The following VIM variants were observed in gnomAD, a reference collection of about 807,000 sequenced individuals.
VIM encodes the protein epididymis secretory sperm binding protein.
In VIM, 18 loss-of-function variants were observed where a neutral mutation model predicts 50.3. The observed-to-expected ratio is 0.36, with a 90% CI of 0.25 to 0.53. The LOEUF is 0.53. Among genes scored for constraint, VIM ranks in the 20% least tolerant of loss-of-function variants. VIM has a pLI of 0.91. For missense variants in VIM, 551 were observed against 614.7 expected, an observed-to-expected ratio of 0.90 and a Z score of 1.10; for synonymous variants, 245 against 248.5, an observed-to-expected ratio of 0.99 and a Z score of 0.13.
chr10:17,236,458 A>G, intron 9 of VIM, 79 bp downstream of exon 9: 3 of 1,214,778 alleles, frequency 2.5e-6, no homozygotes, highest in Non-Finnish European at 3.7e-6. Context: ...TCTGAATCTC[A>G]GATACAGCTG....
intron 9 of VIM, among the ~76,000 whole-genome samples, chr10:17,236,889 A>G (rs1846898722): frequency 1.3e-5 from 2 of 152,226 alleles, no homozygotes; most frequent in African/African-American, 4.8e-5. Flanking sequence ...CCTTGCACAT[A>G]AATTTAAAAT....
chr10:17,229,304 C>T lies in VIM; in HGVS notation c.-119C>T. On this transcript the variant is annotated 5_prime_UTR_variant, in exon 2 of 10. Coordinates refer to ENST00000544301, the MANE Select transcript of VIM (RefSeq NM_003380.5). ...TCTGCCACTCTCGCTCCGAGGTCCC[C>T]GCGCCAGAGACGCAGCCGCGCTCCC... The T allele has an allele frequency of 2.7e-6, 3 of 1,092,154 alleles. No individual in the cohort carries two copies. The highest frequency in any genetic ancestry group is 2.1e-5 in the Admixed American group (1 of 47,484). 67.7% of individuals were successfully genotyped at this position (1,092,154 alleles called of 1,614,324 possible).
In VIM at chr10:17,231,045, A is replaced by G. The variant is rs1846784726; in HGVS notation, c.624+335A>G. ...TTCTAAGCAGTTCCTTGGGACATAAAGAAAAATCTTTTAACTTTTTACTTT... is the reference window on the plus strand; with the variant it reads ...TTCTAAGCAGTTCCTTGGGACATAAGGAAAAATCTTTTAACTTTTTACTTT... On this transcript the variant is annotated intron_variant, in intron 3 of 9. Transcript: ENST00000544301. 3.5e-5 allele frequency: 8 copies of G among 228,540 alleles called. No individual in the cohort carries two copies. The South Asian group carries it at 4.8e-4, about 14-fold the overall frequency. 14.2% of individuals were successfully genotyped at this position (228,540 alleles called of 1,614,324 possible).
chr10:17,235,608 G>GT, intron 7 of VIM: 1 of 699,502 alleles, frequency 1.4e-6, no homozygotes, highest in Non-Finnish European at 2.4e-6. Context: ...CCATAACTCT[G>GT]TCAAAGCCTC....
At position 17,229,719 on chromosome 10, in the gene VIM, C is replaced by T. The variant is rs1472762224; in HGVS notation, c.297C>T (p.Thr99=). 1.3e-6 allele frequency: 2 copies of T among 1,577,642 alleles called. No individual in the cohort carries two copies. Among genetic ancestry groups the T allele is most frequent in the Admixed American group, 1.8e-5 (1 of 54,138 alleles). ...CCATCAACACCGAGTTCAAGAACAC[C>T]CGCACCAACGAGAAGGTGGAGCTGC... is the stretch of plus-strand genomic sequence containing the variant. ...ADAINTEFKN[T]RTNEKVELQE... is the part of the protein sequence containing the mutation. The change falls in exon 2 of 10, where the codon ACC becomes ACT. Residue 99 remains threonine, a synonymous_variant. Transcript: ENST00000544301.
chr10:17,234,842 A>G (rs1234018610), intron 6 of VIM, 24 bp downstream of exon 6: 3 of 1,613,958 alleles, frequency 1.9e-6, no homozygotes, highest in African/African-American at 2.7e-5. Flanking sequence ...CTGCAGTAAA[A>G]GAGGGAAAAT....
intron 3 of VIM, among the ~76,000 whole-genome samples, chr10:17,232,153 T>C (rs1343155254): frequency 6.6e-6 from 1 of 152,196 alleles, no homozygotes; most frequent in African/African-American, 2.4e-5. Flanking sequence ...TGATCTTTCT[T>C]TGGAGGTTAG....
intron 9 of VIM, 131 bp downstream of exon 9, chr10:17,236,510 A>G: frequency 2.5e-6 from 2 of 790,884 alleles, no homozygotes; most frequent in Non-Finnish European, 4.4e-6. Context: ...CCTACTAAAA[A>G]AAGAATAGGC....
Position 17,236,346 on chromosome 10 carries a change from T to G in VIM, c.1326T>G (p.Leu442=), listed in dbSNP as rs759925135. 3 of 1,613,866 alleles carry G rather than the reference T, an allele frequency of 1.9e-6. No homozygotes were observed. The highest frequency in any genetic ancestry group is 2.5e-6 in the Non-Finnish European group (3 of 1,179,798). The part of the protein sequence containing the change: ...PLVDTHSKRT[L]LIKTVETRDG... ...TTGATACCCACTCAAAAAGGACACT[T>G]CTGATTAAGACGGTTGAAACTAGAG... The change falls in exon 9 of 10, where the codon CTT becomes CTG. Residue 442 remains leucine (L), a synonymous_variant. Coordinates refer to ENST00000544301, the MANE Select transcript of VIM (RefSeq NM_003380.5).
intron 3 of VIM, among the ~76,000 whole-genome samples, chr10:17,231,783 T>G (rs1177263357): frequency 2.0e-5 from 3 of 151,764 alleles, no homozygotes; most frequent in Non-Finnish European, 2.9e-5. Flanking sequence ...GTTTTTTTTT[T>G]TTTTCACCAA....
At chr10:17,234,373 C>A (rs2131682849) in intron 5 of VIM, among the ~76,000 whole-genome samples, 1 of 152,252 alleles carries the variant, frequency 6.6e-6, no homozygotes, top group Non-Finnish European at 1.5e-5. Context: ...CCTCAGCCTC[C>A]CAAAATGTTG....
intron 5 of VIM, 63 bp downstream of exon 5, chr10:17,233,994 CTG>C: frequency 3.2e-6 from 5 of 1,556,402 alleles, no homozygotes; most frequent in Non-Finnish European, 4.4e-6. Context: ...AACCCCATAC[CTG>C]TGTGTGATTC....
At position 17,235,251 on chromosome 10, in the gene VIM, G is replaced by A. The variant is rs371054027; in HGVS notation, c.1091G>A (p.Arg364His). ...GCTAACTACCAAGACACTATTGGCCGCCTGCAGGATGAGATTCAGAATATG... is the reference window on the plus strand; with the variant it reads ...GCTAACTACCAAGACACTATTGGCCACCTGCAGGATGAGATTCAGAATATG... ...EAANYQDTIGRLQDEIQNMKE... is the reference protein window; with the variant it reads ...EAANYQDTIGHLQDEIQNMKE... Residue 364 changes from arginine (R) to histidine (H), a missense_variant, in exon 7 of 10, where the codon CGC (arginine) becomes CAC (histidine). Coordinates refer to ENST00000544301, the MANE Select transcript of VIM (RefSeq NM_003380.5). 11 of 1,614,050 alleles carry A rather than the reference G, an allele frequency of 6.8e-6. No individual in the cohort carries two copies. The highest frequency in any genetic ancestry group is 3.3e-5 in the South Asian group (3 of 91,086).
chr10:17,233,655 T>A lies in VIM; in HGVS notation c.693T>A (p.Ile231=). The change falls in exon 4 of 10, where the codon ATT becomes ATA. Residue 231 remains isoleucine, a synonymous_variant. Coordinates refer to ENST00000544301, the MANE Select transcript of VIM (RefSeq NM_003380.5). ...ERKVESLQEE[I]AFLKKLHEEE... is the part of the protein sequence containing the mutation. Reference sequence around the variant, plus strand: ...AAGTGGAATCTTTGCAAGAAGAGATTGCCTTTTTGAAGAAACTCCACGAAG... The same window carrying A: ...AAGTGGAATCTTTGCAAGAAGAGATAGCCTTTTTGAAGAAACTCCACGAAG... 6.2e-7 allele frequency: 1 copy of A among 1,614,204 alleles called. No homozygotes were observed. The highest frequency in any genetic ancestry group is 1.1e-5 in the South Asian group (1 of 91,084).
intron 2 of VIM, chr10:17,230,278 G>A (rs772974685): frequency 3.5e-6 from 2 of 576,754 alleles, no homozygotes; most frequent in African/African-American, 1.9e-5. Flanking sequence ...AGGCCCTTGG[G>A]CACAATGAGA....
chr10:17,236,088 C>A, intron 8 of VIM, 199 bp downstream of exon 8: 1 of 721,046 alleles, frequency 1.4e-6, no homozygotes, highest in Non-Finnish European at 2.4e-6. Context: ...TTTCCTTCTT[C>A]CTGCTGCAAG....
rs3758410 is a variant in VIM at position 17,229,401 on chromosome 10, G to C, written c.-22G>C. Reference sequence around the variant, plus strand: ...AGTCCGCGCCACCGCCGCCGCCCAGGCCATCGCCACCCTCCGCAGCCATGT... The same window carrying C: ...AGTCCGCGCCACCGCCGCCGCCCAGCCCATCGCCACCCTCCGCAGCCATGT... On this transcript the variant is annotated 5_prime_UTR_variant, in exon 2 of 10. Transcript: ENST00000544301. 523,475 of 1,587,024 alleles carry C rather than the reference G, an allele frequency of 0.33. 92,116 individuals carry two copies. The highest frequency in any genetic ancestry group is 0.65 in the African/African-American group (48,123 of 74,102).
intron 9 of VIM, 23 bp downstream of exon 9, chr10:17,236,402 A>T: frequency 6.5e-7 from 1 of 1,545,466 alleles, no homozygotes; most frequent in Non-Finnish European, 8.9e-7. Flanking sequence ...TAAGGAAAAA[A>T]TAGGGTAATC....
chr10:17,235,095 G>A (rs998375336), intron 6 of VIM, 74 bp from the exon 7 acceptor site: 4 of 1,532,292 alleles, frequency 2.6e-6, no homozygotes, highest in East Asian at 2.3e-5. Context: ...TATTGCAGAA[G>A]GTCTGTAAAT....
Sources: allele counts gnomAD v4.1 joint callset (sites outside exome capture counted in the v4.1 genomes callset), GRCh38; gene constraint gnomAD v4.1.1; transcripts MANE v1.5; gene names NCBI Gene and HGNC (gene_info 2026-07-23, HGNC 2026-07-21).